Variants in ARFGEF3 observed in about 807,000 individuals in gnomAD.
ARFGEF3 encodes brefeldin A-inhibited guanine nucleotide-exchange protein 3.
Under a neutral mutation model 221.7 loss-of-function variants are expected in ARFGEF3, and 96 were observed. The ratio of observed to expected loss-of-function variants is 0.43; its 90% CI spans 0.37 to 0.51. The LOEUF is 0.51. Ranked by LOEUF, ARFGEF3 falls within the 20% of genes least tolerant of loss-of-function variation. ARFGEF3 has a pLI of 0.00. For missense variants in ARFGEF3, 2,410 were observed against 2,789.9 expected (o/e 0.86, Z 3.07); for synonymous variants, 1,145 against 1,126.8 (o/e 1.02, Z -0.32).
intron 29 of ARFGEF3, among the ~76,000 whole-genome samples, chr6:138,322,759 C>T (rs1014890260): frequency 6.7e-6 from 1 of 148,374 alleles, no homozygotes; most frequent in African/African-American, 2.5e-5. Flanking sequence ...GGCACCACTG[C>T]ACTCCAGCCT....
chr6:138,263,947 C>T (rs930873217), intron 12 of ARFGEF3, among the ~76,000 whole-genome samples: 3 of 152,152 alleles, frequency 2.0e-5, no homozygotes, highest in African/African-American at 7.2e-5. Flanking sequence ...CAGTATGCTT[C>T]TATGTCTTGG....
chr6:138,250,111 A>G (rs1161742562), intron 8 of ARFGEF3, among the ~76,000 whole-genome samples: 3 of 152,234 alleles, frequency 2.0e-5, no homozygotes, highest in Non-Finnish European at 4.4e-5. Context: ...AAATCACACC[A>G]GAATCAGTAT....
At chr6:138,297,767 T>C (rs1779547680) in intron 21 of ARFGEF3, among the ~76,000 whole-genome samples, 1 of 152,184 alleles carries the variant, frequency 6.6e-6, no homozygotes, top group Non-Finnish European at 1.5e-5. Context: ...TAGCTCATGA[T>C]TCCATGAGTC....
At chr6:138,227,974 A>C (rs1162761571) in intron 4 of ARFGEF3, among the ~76,000 whole-genome samples, 1 of 152,160 alleles carries the variant, frequency 6.6e-6, no homozygotes, top group Non-Finnish European at 1.5e-5. Flanking sequence ...GTGTACTTAC[A>C]GGGGCCTGGA....
In ARFGEF3 at chr6:138,341,034, T is replaced by C. The variant is rs1269675287; in HGVS notation, c.*4548T>C. On this transcript the variant is annotated 3_prime_UTR_variant, in exon 34 of 34. Transcript: ENST00000251691. The stretch of plus-strand genomic sequence containing the variant: ...TTCAAGCAGACATTCAGTGTTACTT[T>C]AGAAAACTCACTGAATTAGGTGGAA... The C allele has an allele frequency of 6.6e-6, 1 of 152,312 alleles. No individual in the cohort carries two copies. Among genetic ancestry groups the C allele is most frequent in the Non-Finnish European group, 1.5e-5 (1 of 68,106 alleles). The allele number at this position is 152,312 out of a possible 1,614,324, so 9.4% of individuals were successfully genotyped here.
At position 138,335,124 on chromosome 6, in the gene ARFGEF3, C is replaced by A; in HGVS notation, c.6278C>A (p.Pro2093His). Residue 2093 changes from proline to histidine, a missense_variant, in exon 33 of 34, where the codon CCC becomes CAC. By Grantham distance (77) the Pro-to-His change is moderately conservative. Coordinates refer to ENST00000251691, the MANE Select transcript of ARFGEF3 (RefSeq NM_020340.5). ...GPELLRQDKR[P>H]RSGSTGSSLS... ...GAGCTGCTGCGACAGGACAAGAGGC[C>A]CCGCTCAGGCTCCACCGGGAGCTCC... 1 of 1,597,538 alleles carries A rather than the reference C, an allele frequency of 6.3e-7. No homozygotes were observed.
At chr6:138,174,653 A>G (rs1263088552) in intron 2 of ARFGEF3, among the ~76,000 whole-genome samples, 1 of 152,052 alleles carries the variant, frequency 6.6e-6, no homozygotes, top group Non-Finnish European at 1.5e-5. Context: ...ATTCAGATTT[A>G]GTTTTCATTT....
chr6:138,319,836 C>G lies in ARFGEF3; in HGVS notation c.4608C>G (p.Ser1536=). ...SANFKHAIGL[S]CELVVEHIQS... ...ATTTCAAGCACGCTATTGGTCTGTC[C>G]TGTGAGCTGGTGGTGGAGCACATTC... The change falls in exon 28 of 34, where the codon TCC becomes TCG. Residue 1536 remains serine, a synonymous_variant. Transcript: ENST00000251691. The G allele has an allele frequency of 6.2e-7, 1 of 1,614,024 alleles. No homozygotes were observed. The highest frequency in any genetic ancestry group is 1.3e-5 in the African/African-American group (1 of 75,064).
intron 27 of ARFGEF3, 91 bp from the exon 28 acceptor site, chr6:138,319,612 G>T: frequency 1.2e-6 from 1 of 850,408 alleles, no homozygotes; most frequent in Admixed American, 2.7e-5. Flanking sequence ...GCAAATGTAG[G>T]GATCCTTCCA....
chr6:138,247,181 G>C (rs1463198557), intron 8 of ARFGEF3, among the ~76,000 whole-genome samples: 2 of 152,122 alleles, frequency 1.3e-5, no homozygotes, highest in Admixed American at 1.3e-4. Flanking sequence ...ACAGCAGATG[G>C]ATGTAAATAG....
chr6:138,321,090 T>C, intron 28 of ARFGEF3, 21 bp from the exon 29 acceptor site: 1 of 1,420,940 alleles, frequency 7.0e-7, no homozygotes, highest in Non-Finnish European at 9.7e-7. Flanking sequence ...TGTGAAACTG[T>C]GATTTTGCTG....
rs1034577736 is a variant in ARFGEF3, at chr6:138,251,495, G to A, written c.666-2385G>A. On this transcript the variant is annotated intron_variant, in intron 8 of 33. Coordinates refer to ENST00000251691, the MANE Select transcript of ARFGEF3 (RefSeq NM_020340.5). Reference sequence around the variant, plus strand: ...ATTTGTCCTGTCCACTCTCTTCCTCGTAAAGCAAACAAATTGAACATTCTG... The same window carrying A: ...ATTTGTCCTGTCCACTCTCTTCCTCATAAAGCAAACAAATTGAACATTCTG... Among the ~76,000 whole-genome samples, 8 of 152,118 alleles carry A rather than the reference G, an allele frequency of 5.3e-5. 1 individual carries two copies. The Middle Eastern group carries it at 0.014, about 259-fold the overall frequency.
chr6:138,337,493 G>A lies in ARFGEF3; in HGVS notation c.*1007G>A, dbSNP rs1780349913. Reference sequence around the variant, plus strand: ...GGAAAGGGACTCAGGGAAGGGAGCAGGGAGTGTGGGGTGGGGATGGATTAT... The same window carrying A: ...GGAAAGGGACTCAGGGAAGGGAGCAAGGAGTGTGGGGTGGGGATGGATTAT... On this transcript the variant is annotated 3_prime_UTR_variant, in exon 34 of 34. Transcript: ENST00000251691. 6.6e-6 allele frequency: 1 copy of A among 152,646 alleles called. No homozygotes were observed. The highest frequency in any genetic ancestry group is 2.4e-5 in the African/African-American group (1 of 41,442). The allele number at this position is 152,646 out of a possible 1,614,324, so 9.5% of individuals were successfully genotyped here. A position where few individuals can be genotyped will look rare whatever the true frequency, so the allele number is the denominator to read the frequency against.
intron 12 of ARFGEF3, among the ~76,000 whole-genome samples, chr6:138,273,974 A>T (rs1474743879): frequency 1.3e-5 from 2 of 152,216 alleles, no homozygotes; most frequent in Non-Finnish European, 2.9e-5. Context: ...GTAGGCTGGT[A>T]CCAACAGATT....
intron 31 of ARFGEF3, among the ~76,000 whole-genome samples, chr6:138,326,641 A>G (rs1780131301): frequency 6.6e-6 from 1 of 152,214 alleles, no homozygotes. Flanking sequence ...GAGAAAAAGT[A>G]ACGCTTTTAT....
At chr6:138,218,480 A>G (rs995904398) in intron 4 of ARFGEF3, 2 of 1,455,246 alleles carry the variant, frequency 1.4e-6, no homozygotes, top group African/African-American at 2.9e-5. Flanking sequence ...CCACCTCGAT[A>G]TATTTAAGGT....
chr6:138,319,416 T>G (rs538250025), intron 27 of ARFGEF3, among the ~76,000 whole-genome samples: 1 of 152,284 alleles, frequency 6.6e-6, no homozygotes, highest in African/African-American at 2.4e-5. Context: ...ATTTGTGTGT[T>G]TACATTTAGG....
intron 4 of ARFGEF3, among the ~76,000 whole-genome samples, chr6:138,226,144 A>T (rs1408122521): frequency 1.3e-5 from 2 of 152,190 alleles, no homozygotes; most frequent in African/African-American, 2.4e-5. Flanking sequence ...GATCATGACC[A>T]GGACATGTCC....
At chr6:138,296,988 C>G (rs780344638) in intron 21 of ARFGEF3, 33 bp downstream of exon 21, 1 of 1,589,382 alleles carries the variant, frequency 6.3e-7, no homozygotes, top group Non-Finnish European at 8.5e-7. Context: ...GAGGCTGGAA[C>G]TGCTAAGTCA....
Sources: allele counts gnomAD v4.1 joint callset (sites outside exome capture counted in the v4.1 genomes callset), GRCh38; gene constraint gnomAD v4.1.1; transcripts MANE v1.5; gene names NCBI Gene and HGNC (gene_info 2026-07-23, HGNC 2026-07-21).